The following JADE2 variants were observed in gnomAD, a reference collection of about 807,000 sequenced individuals.
JADE2 encodes the protein jade family PHD finger 2.
JADE2 carries 13 observed loss-of-function variants against 85.7 expected under a neutral mutation model. The ratio of observed to expected loss-of-function variants is 0.15; its 90% CI spans 0.10 to 0.24. The LOEUF (loss-of-function observed/expected upper bound fraction) is 0.24, where lower values mean the gene tolerates loss of function less well. JADE2 is among the 10% of genes least tolerant of loss of function. The pLI is 1.00. For synonymous variants in JADE2, 440 were observed against 456.1 expected, an observed-to-expected ratio of 0.96 and a Z score of 0.45; for missense variants, 846 against 1,115.9, an observed-to-expected ratio of 0.76 and a Z score of 3.45.
At chr5:134,561,674 C>T (rs1763332385) in intron 6 of JADE2, among the ~76,000 whole-genome samples, 2 of 152,160 alleles carry the variant, frequency 1.3e-5, no homozygotes, top group South Asian at 2.1e-4. Context: ...GAGGTAGGGA[C>T]TTTGCCAGGC....
intron 4 of JADE2, among the ~76,000 whole-genome samples, chr5:134,553,346 T>C (rs917085992): frequency 2.9e-5 from 4 of 137,682 alleles, no homozygotes; most frequent in Admixed American, 2.4e-4. Context: ...TGCTTTTTTT[T>C]TTCTTTTATT....
At chr5:134,553,178 T>A (rs1762700910) in intron 4 of JADE2, among the ~76,000 whole-genome samples, 1 of 151,240 alleles carries the variant, frequency 6.6e-6, no homozygotes, top group Non-Finnish European at 1.5e-5. Flanking sequence ...GCTATGTTGC[T>A]CAGGCTAGTC....
chr5:134,554,874 A>G (rs148985809), intron 4 of JADE2, among the ~76,000 whole-genome samples: 5 of 152,326 alleles, frequency 3.3e-5, no homozygotes, highest in Non-Finnish European at 5.9e-5. Flanking sequence ...AGGACTTGCT[A>G]TGCTGAGCCT....
chr5:134,552,980 G>T (rs1302689839), intron 4 of JADE2, among the ~76,000 whole-genome samples: 3 of 131,748 alleles, frequency 2.3e-5, no homozygotes, highest in Admixed American at 8.4e-5. Flanking sequence ...AAGCCTCTGG[G>T]CCTGGCCTTT....
chr5:134,566,255 G>A lies in JADE2; in HGVS notation c.1109G>A (p.Arg370His), dbSNP rs779470752. 7.4e-6 allele frequency: 12 copies of A among 1,614,132 alleles called. No individual in the cohort carries two copies. Among genetic ancestry groups the A allele is most frequent in the Middle Eastern group, 1.6e-4 (1 of 6,062 alleles). ...FCQEHSDGGP[R>H]NEPTSEPTEP... is the part of the protein sequence containing the mutation. ...CAGGAGCACAGTGACGGGGGCCCAC[G>A]TAATGAGCCCACATCTGAGCCCACG... Residue 370 changes from arginine (R) to histidine (H), a missense_variant, in exon 9 of 12, where the codon CGT becomes CAT. Coordinates refer to ENST00000681547, the MANE Select transcript of JADE2 (RefSeq NM_001388185.1). This position sits in a 1 kb window ranked among gnomAD's most constrained non-coding sequence, Gnocchi z 6.7.
chr5:134,569,623 A>C (rs1313204367), intron 9 of JADE2, among the ~76,000 whole-genome samples: 1 of 151,960 alleles, frequency 6.6e-6, no homozygotes, highest in Non-Finnish European at 1.5e-5. Context: ...GGTCACCAGG[A>C]GTTTATTTGG....
At position 134,581,070 on chromosome 5, in the gene JADE2, T is replaced by C. The variant is rs969499684; in HGVS notation, c.*1753T>C. On this transcript the variant is annotated 3_prime_UTR_variant, in exon 12 of 12. Transcript: ENST00000681547. Reference sequence around the variant, plus strand: ...ACCCCTAACTCCAAAACTATCAAGGTACGACAGTGGCATTGTCATCGACAC... The same window carrying C: ...ACCCCTAACTCCAAAACTATCAAGGCACGACAGTGGCATTGTCATCGACAC... 2.6e-5 allele frequency: 4 copies of C among 152,600 alleles called. No individual in the cohort carries two copies. The highest frequency in any genetic ancestry group is 5.9e-5 in the Non-Finnish European group (4 of 68,048). 9.5% of individuals were successfully genotyped at this position (152,600 alleles called of 1,614,324 possible). A position where few individuals can be genotyped will look rare whatever the true frequency, so the allele number is the denominator to read the frequency against.
At chr5:134,526,506 C>T in intron 1 of JADE2, 1 of 985,204 alleles carries the variant, frequency 1.0e-6, no homozygotes, top group South Asian at 4.7e-5. Context: ...CCCCGAGTTT[C>T]ATTTTGTTGA....
chr5:134,526,092 T>G, intron 1 of JADE2, 81 bp downstream of exon 1: 1 of 984,862 alleles, frequency 1.0e-6, no homozygotes, highest in Non-Finnish European at 1.2e-6. Flanking sequence ...CTGCCAGCGC[T>G]CTTCGCTCCC....
chr5:134,546,565 C>T (rs548581177), intron 3 of JADE2, among the ~76,000 whole-genome samples: 19 of 151,964 alleles, frequency 1.3e-4, no homozygotes, highest in African/African-American at 1.9e-4. Flanking sequence ...GTCAGGAGTT[C>T]GATACCAGCC....
rs116258776 is a variant in JADE2, at chr5:134,552,093, C to T, written c.195C>T (p.Asp65=). The stretch of plus-strand genomic sequence containing the variant: ...TGATCACAGCCATGAAGATCCCGGA[C>T]TCATACCAGCTCAGCCCGGATGACT... ...TDLITAMKIP[D]SYQLSPDDYY... is the part of the protein sequence containing the mutation. Residue 65 remains aspartate, a synonymous_variant, in exon 4 of 12, where the codon GAC becomes GAT. Coordinates refer to ENST00000681547, the MANE Select transcript of JADE2 (RefSeq NM_001388185.1). 1.2e-5 allele frequency: 19 copies of T among 1,614,212 alleles called. No homozygotes were observed. In the East Asian group the frequency reaches 4.2e-4, roughly 36 times the overall value.
chr5:134,530,330 C>G (rs551660123), intron 1 of JADE2, among the ~76,000 whole-genome samples: 1 of 152,244 alleles, frequency 6.6e-6, no homozygotes, highest in Non-Finnish European at 1.5e-5. Context: ...GTTTTTGTTT[C>G]TCTTTGAAAG....
Position 134,578,504 on chromosome 5 carries a change from C to A in JADE2, c.1692C>A (p.Ser564=). The A allele has an allele frequency of 6.3e-7, 1 of 1,581,956 alleles. No individual in the cohort carries two copies. Among genetic ancestry groups the A allele is most frequent in the Non-Finnish European group, 8.6e-7 (1 of 1,159,450 alleles). ...DSVLGQLAGL[S]TSFPIDGTFF... is the part of the protein sequence containing the mutation. ...CCTCTCTCCCCTCAGCAGGCCTGTC[C>A]ACCTCATTCCCCATCGATGGCACCT... Residue 564 remains serine, a synonymous_variant, in exon 12 of 12, where the codon TCC becomes TCA. Transcript: ENST00000681547. The surrounding 1 kb of genome is among the most constrained non-coding windows in gnomAD (Gnocchi z 4.4).
rs115546030 is a variant in JADE2 at position 134,564,462 on chromosome 5, A to G, written c.853-32A>G. 5.5e-4 allele frequency: 793 copies of G among 1,432,334 alleles called. 2 individuals carry two copies. The African/African-American group carries it at 0.01, about 19-fold the overall frequency. The allele number at this position is 1,432,334 out of a possible 1,614,324, so 88.7% of individuals were successfully genotyped here. On this transcript the variant is annotated intron_variant, in intron 7 of 11. Transcript: ENST00000681547. ...TCCCTGGAGGCAGGCTGGGGATGAG[A>G]GGAATGATGCAGCCCCCTGTGTCCT...
At chr5:134,559,061 G>A (rs1209400002) in intron 4 of JADE2, among the ~76,000 whole-genome samples, 1 of 152,230 alleles carries the variant, frequency 6.6e-6, no homozygotes, top group Non-Finnish European at 1.5e-5. Context: ...TTGTATCCAA[G>A]GGATTTGGCC....
At chr5:134,540,247 C>G (rs1311206534) in intron 3 of JADE2, among the ~76,000 whole-genome samples, 1 of 151,870 alleles carries the variant, frequency 6.6e-6, no homozygotes, top group East Asian at 1.9e-4. Flanking sequence ...GAGACAAGGT[C>G]TCCCTCTGTC....
chr5:134,528,207 G>C (rs946956735), intron 1 of JADE2, among the ~76,000 whole-genome samples: 3 of 152,134 alleles, frequency 2.0e-5, no homozygotes, highest in Non-Finnish European at 4.4e-5. Context: ...CTCTCGGAGT[G>C]GCATTAACTC....
At chr5:134,539,983 G>A (rs1237224424) in intron 3 of JADE2, among the ~76,000 whole-genome samples, 1 of 152,034 alleles carries the variant, frequency 6.6e-6, no homozygotes, top group East Asian at 1.9e-4. Context: ...GGTGGGTAGG[G>A]TATAGACAGT....
intron 3 of JADE2, among the ~76,000 whole-genome samples, chr5:134,541,927 A>C (rs944148916): frequency 6.6e-6 from 1 of 152,242 alleles, no homozygotes; most frequent in African/African-American, 2.4e-5. Flanking sequence ...TAAGGCCTGG[A>C]GGCCCAGCTT....
Sources: allele counts gnomAD v4.1 joint callset (sites outside exome capture counted in the v4.1 genomes callset), GRCh38; gene constraint gnomAD v4.1.1; non-coding constraint Gnocchi (gnomAD v3.1); transcripts MANE v1.5; gene names NCBI Gene and HGNC (gene_info 2026-07-23, HGNC 2026-07-21).